EYS: variants seen among roughly 807,000 people sequenced by gnomAD.
The protein encoded by EYS is protein eyes shut homolog.
In EYS, 250 loss-of-function variants were observed where a neutral mutation model predicts 282.1. The ratio of observed to expected loss-of-function variants is 0.89; its 90% CI spans 0.80 to 0.98. The LOEUF (loss-of-function observed/expected upper bound fraction) is 0.98, where lower values mean the gene tolerates loss of function less well. Ranked by LOEUF, EYS falls within the 50% of genes least tolerant of loss-of-function variation. The pLI is 0.00. For missense variants in EYS, 4,016 were observed against 3,709.0 expected (o/e 1.08, Z -2.15); for synonymous variants, 1,355 against 1,282.9 (o/e 1.06, Z -1.20).
chr6:64,468,322 T>G (rs1673120280), intron 26 of EYS, among the ~76,000 whole-genome samples: 1 of 152,240 alleles, frequency 6.6e-6, no homozygotes, highest in Admixed American at 6.5e-5. Flanking sequence ...CCATTTAGAA[T>G]CAACCTTTCC....
At chr6:63,723,097 T>C (rs1247691775) in intron 42 of EYS, among the ~76,000 whole-genome samples, 1 of 152,128 alleles carries the variant, frequency 6.6e-6, no homozygotes, top group Non-Finnish European at 1.5e-5. Context: ...GTTTGTAGGG[T>C]TGTGGGTTGA....
intron 26 of EYS, among the ~76,000 whole-genome samples, chr6:64,583,550 C>A (rs892247704): frequency 6.6e-6 from 1 of 152,110 alleles, no homozygotes; most frequent in Non-Finnish European, 1.5e-5. Context: ...TATCCCAACA[C>A]TTTGGGAGGC....
intron 12 of EYS, among the ~76,000 whole-genome samples, chr6:65,181,715 C>T (rs140351055): frequency 0.012 from 1,810 of 152,122 alleles, 17 homozygotes; most frequent in Admixed American, 0.019. Flanking sequence ...TGGGTATATA[C>T]CCAAAGGAAT....
chr6:64,604,199 C>G (rs1025373563), intron 24 of EYS, among the ~76,000 whole-genome samples: 1 of 151,918 alleles, frequency 6.6e-6, no homozygotes, highest in African/African-American at 2.4e-5. Context: ...ATTTATTTTC[C>G]TAGGTTATCC....
At chr6:65,083,977 G>T (rs1013533242) in intron 12 of EYS, among the ~76,000 whole-genome samples, 1 of 151,422 alleles carries the variant, frequency 6.6e-6, no homozygotes. Context: ...AGACATATTA[G>T]AATATATATA....
chr6:65,410,859 T>C (rs1766964318), intron 5 of EYS, among the ~76,000 whole-genome samples: 1 of 151,968 alleles, frequency 6.6e-6, no homozygotes, highest in Non-Finnish European at 1.5e-5. Flanking sequence ...AGTATACTAT[T>C]CAGCCATATA....
At chr6:65,389,397 A>T in intron 7 of EYS, among the ~76,000 whole-genome samples, 1 of 151,948 alleles carries the variant, frequency 6.6e-6, no homozygotes, top group Non-Finnish European at 1.5e-5. Context: ...TGCCATGAAC[A>T]CTCTTCCCTT....
chr6:64,125,810 G>GTT (rs930115003), intron 31 of EYS, among the ~76,000 whole-genome samples: 4 of 134,614 alleles, frequency 3.0e-5, no homozygotes, highest in African/African-American at 8.6e-5. Flanking sequence ...AAAAAAAAAA[G>GTT]TTGTCAACTC....
intron 22 of EYS, among the ~76,000 whole-genome samples, chr6:64,799,649 ATATAT>A (rs763558791): frequency 2.0e-5 from 3 of 149,952 alleles, no homozygotes; most frequent in East Asian, 1.9e-4. Context: ...AATATATGAT[ATATAT>A]TATATCTATC....
At chr6:63,747,219 G>A (rs774718988) in intron 41 of EYS, among the ~76,000 whole-genome samples, 2 of 152,136 alleles carry the variant, frequency 1.3e-5, no homozygotes, top group African/African-American at 2.4e-5. Flanking sequence ...GTAGCCAATT[G>A]GGAGCAGGTT....
rs1767211972 is a variant in EYS, at chr6:65,247,602, G to A, written c.2023+48261C>T. ...ATTTGAAGAGAGAATAAAGTAAATA[G>A]GGGAGAAAACATATTCTCTTTCAAT... On this transcript the variant is annotated intron_variant, in intron 12 of 42. Transcript: ENST00000503581. Among the ~76,000 whole-genome samples the A allele has an allele frequency of 2.6e-5, 4 of 152,004 alleles. No homozygotes were observed. The South Asian group carries it at 8.3e-4, about 31-fold the overall frequency.
At chr6:64,815,755 A>G (rs908636907) in intron 21 of EYS, among the ~76,000 whole-genome samples, 3 of 152,122 alleles carry the variant, frequency 2.0e-5, no homozygotes, top group Non-Finnish European at 2.9e-5. Context: ...GGAATCCTGC[A>G]GACCAGGGCA....
chr6:64,846,970 A>C (rs555621075), intron 19 of EYS, among the ~76,000 whole-genome samples: 31 of 152,014 alleles, frequency 2.0e-4, no homozygotes, highest in African/African-American at 6.8e-4. Flanking sequence ...TGAGACTATC[A>C]TTCAAATCTG....
intron 36 of EYS, among the ~76,000 whole-genome samples, chr6:63,826,711 C>T (rs1435005767): frequency 1.3e-5 from 2 of 151,944 alleles, no homozygotes; most frequent in South Asian, 2.1e-4. Context: ...TTCACCATTA[C>T]CAAGCCATCA....
At chr6:65,091,224 A>G (rs1581901499) in intron 12 of EYS, among the ~76,000 whole-genome samples, 1 of 147,936 alleles carries the variant, frequency 6.8e-6, no homozygotes, top group African/African-American at 2.5e-5. Context: ...ACCTGAGATC[A>G]GGAGTTTGAG....
intron 12 of EYS, among the ~76,000 whole-genome samples, chr6:65,223,914 G>A (rs1443948580): frequency 6.6e-6 from 1 of 152,072 alleles, no homozygotes; most frequent in East Asian, 1.9e-4. Flanking sequence ...TGGATACTAG[G>A]CTCTGATCTC....
chr6:65,243,238 T>C (rs1767098606), intron 12 of EYS, among the ~76,000 whole-genome samples: 1 of 152,216 alleles, frequency 6.6e-6, no homozygotes, highest in Non-Finnish European at 1.5e-5. Context: ...GTGGGTTCTA[T>C]TTCAGATCAT....
intron 5 of EYS, among the ~76,000 whole-genome samples, chr6:65,450,148 T>G (rs147317863): frequency 2.0e-3 from 297 of 152,226 alleles, no homozygotes; most frequent in African/African-American, 7.0e-3. Flanking sequence ...AAACCAGGTT[T>G]TTGTTGGGTT....
At chr6:64,246,045 A>AAAAG (rs1767007860) in intron 30 of EYS, among the ~76,000 whole-genome samples, 12 of 139,616 alleles carry the variant, frequency 8.6e-5, no homozygotes, top group African/African-American at 3.1e-4. Flanking sequence ...AAAAAAAAAA[A>AAAAG]AGAATTTTGG....
Sources: allele counts gnomAD v4.1 joint callset (sites outside exome capture counted in the v4.1 genomes callset), GRCh38; gene constraint gnomAD v4.1.1; transcripts MANE v1.5; gene names NCBI Gene and HGNC (gene_info 2026-07-23, HGNC 2026-07-21).